Variants in GRM5 observed in about 807,000 individuals in gnomAD.
GRM5 encodes the protein metabotropic glutamate receptor 5.
A neutral mutation model predicts 83.1 loss-of-function variants in GRM5; 19 were observed. The observed-to-expected ratio is 0.23, with a 90% confidence interval of 0.16 to 0.34. GRM5 has a LOEUF of 0.34. Among genes scored for constraint, GRM5 ranks in the 10% least tolerant of loss-of-function variants. The pLI is 1.00. For synonymous variants in GRM5, 675 were observed against 633.6 expected (o/e 1.07, Z -0.98); for missense variants, 1,160 against 1,588.3 (o/e 0.73, Z 4.58).
chr11:88,952,428 C>T lies in GRM5; in HGVS notation c.661+94784G>A, dbSNP rs1938494261. ...GGCTGCACAAGAGTGGGGTTTTTCT[C>T]CCTCTTTCACTGTCTCATTGCTGGT... On this transcript the variant is annotated intron_variant, in intron 2 of 9. Coordinates refer to ENST00000305447, the MANE Select transcript of GRM5 (RefSeq NM_001143831.3). Among the ~76,000 whole-genome samples, 3 of 152,190 alleles carry T rather than the reference C, an allele frequency of 2.0e-5. No homozygotes were observed. In the South Asian group the frequency reaches 6.2e-4, roughly 31 times the overall value.
At chr11:88,782,919 C>G (rs191834609) in intron 3 of GRM5, among the ~76,000 whole-genome samples, 1 of 151,990 alleles carries the variant, frequency 6.6e-6, no homozygotes, top group African/African-American at 2.4e-5. Context: ...ACTTTTATCC[C>G]GGCAACAAAT....
At chr11:88,731,274 T>C (rs1200092124) in intron 3 of GRM5, among the ~76,000 whole-genome samples, 1 of 152,090 alleles carries the variant, frequency 6.6e-6, no homozygotes, top group Non-Finnish European at 1.5e-5. Flanking sequence ...AATGTTAAAC[T>C]GCTTCCTAAT....
At chr11:88,676,174 T>A (rs1940323476) in intron 3 of GRM5, among the ~76,000 whole-genome samples, 1 of 152,062 alleles carries the variant, frequency 6.6e-6, no homozygotes, top group South Asian at 2.1e-4. Context: ...ATTCAGTTTA[T>A]AATTCAGTGT....
intron 2 of GRM5, among the ~76,000 whole-genome samples, chr11:88,863,066 C>A (rs1253360507): frequency 6.6e-6 from 1 of 151,958 alleles, no homozygotes; most frequent in Non-Finnish European, 1.5e-5. Context: ...AATGAGACAC[C>A]AATTCATGCC....
chr11:88,628,024 T>G (rs1423925476), intron 4 of GRM5, among the ~76,000 whole-genome samples: 1 of 152,162 alleles, frequency 6.6e-6, no homozygotes. Flanking sequence ...AGGACATGTA[T>G]TTTCTCAACT....
Position 88,875,293 on chromosome 11 carries a change from A to C in GRM5, c.662-25138T>G, listed in dbSNP as rs566834081. On this transcript the variant is annotated intron_variant, in intron 2 of 9. Transcript: ENST00000305447. ...AGCAGATTCCATCTCAAAAAAGCAC[A>C]TTCTTTGCTTATCTATTAGAAGCAA... 2.0e-5 allele frequency among the ~76,000 whole-genome samples: 3 copies of C among 152,134 alleles called. No homozygotes were observed. In the East Asian group the frequency reaches 5.8e-4, roughly 29 times the overall value.
At chr11:88,704,211 C>A (rs1400815905) in intron 3 of GRM5, among the ~76,000 whole-genome samples, 1 of 152,054 alleles carries the variant, frequency 6.6e-6, no homozygotes, top group African/African-American at 2.4e-5. Context: ...CCTCCAAATA[C>A]CATCACATTG....
At chr11:88,651,899 A>C (rs112292820) in intron 4 of GRM5, among the ~76,000 whole-genome samples, 11 of 152,214 alleles carry the variant, frequency 7.2e-5, no homozygotes, top group Admixed American at 7.2e-4. Flanking sequence ...TCATTTCCCA[A>C]AAGAACAAAC....
At chr11:88,536,829 T>C (rs1194940734) in intron 8 of GRM5, among the ~76,000 whole-genome samples, 1 of 152,248 alleles carries the variant, frequency 6.6e-6, no homozygotes, top group Non-Finnish European at 1.5e-5. Context: ...ATTTTGGATC[T>C]TGGCAGTCAT....
chr11:88,715,131 A>C (rs1429538598), intron 3 of GRM5, among the ~76,000 whole-genome samples: 1 of 152,060 alleles, frequency 6.6e-6, no homozygotes, highest in East Asian at 1.9e-4. Context: ...CCTTGTAAAT[A>C]AAAGCATTAC....
intron 3 of GRM5, among the ~76,000 whole-genome samples, chr11:88,772,055 A>T (rs1228952678): frequency 6.6e-6 from 1 of 151,584 alleles, no homozygotes; most frequent in Non-Finnish European, 1.5e-5. Flanking sequence ...TTAACTGAGC[A>T]GTATTATGTG....
intron 3 of GRM5, among the ~76,000 whole-genome samples, chr11:88,791,462 T>A (rs966983383): frequency 5.3e-5 from 8 of 152,174 alleles, no homozygotes; most frequent in Non-Finnish European, 1.0e-4. Context: ...CTGCTAATGT[T>A]GAACTGATAC....
At chr11:88,834,303 A>C (rs999111790) in intron 3 of GRM5, among the ~76,000 whole-genome samples, 6 of 149,886 alleles carry the variant, frequency 4.0e-5, no homozygotes, top group African/African-American at 1.5e-4. Flanking sequence ...AAATTGCCAA[A>C]TATTTTTTTA....
At chr11:88,831,318 C>T (rs1053266880) in intron 3 of GRM5, among the ~76,000 whole-genome samples, 3 of 152,210 alleles carry the variant, frequency 2.0e-5, no homozygotes, top group African/African-American at 7.2e-5. Flanking sequence ...TTTAAAAGTG[C>T]CATGAAGAAA....
intron 3 of GRM5, among the ~76,000 whole-genome samples, chr11:88,845,792 T>C (rs1467650923): frequency 6.6e-6 from 1 of 152,020 alleles, no homozygotes; most frequent in East Asian, 1.9e-4. Flanking sequence ...GTGATACTGT[T>C]TTATTGTGGT....
At position 88,508,484 on chromosome 11, in the gene GRM5, G is replaced by T; in HGVS notation, c.*108C>A. The T allele has an allele frequency of 2.5e-6, 2 of 799,840 alleles. No individual in the cohort carries two copies. The highest frequency in any genetic ancestry group is 3.9e-6 in the Non-Finnish European group (2 of 511,968). The allele number at this position is 799,840 out of a possible 1,614,324, so 49.5% of individuals were successfully genotyped here. A position where few individuals can be genotyped will look rare whatever the true frequency, so the allele number is the denominator to read the frequency against. ...GTGTTTCCATTAAGGGGTGCCCTTGGCATCTTCCCCCTGGGCCGTAACCAG... is the reference window on the plus strand; with the variant it reads ...GTGTTTCCATTAAGGGGTGCCCTTGTCATCTTCCCCCTGGGCCGTAACCAG... On this transcript the variant is annotated 3_prime_UTR_variant, in exon 10 of 10. Transcript: ENST00000305447. This position sits in a 1 kb window ranked among gnomAD's most constrained non-coding sequence, Gnocchi z 4.2.
chr11:88,787,890 C>T (rs774799729), intron 3 of GRM5, among the ~76,000 whole-genome samples: 3 of 152,130 alleles, frequency 2.0e-5, no homozygotes, highest in African/African-American at 7.2e-5. Flanking sequence ...GTTTGAAAGG[C>T]TTATGTGATA....
At chr11:88,721,621 A>G (rs763171459) in intron 3 of GRM5, among the ~76,000 whole-genome samples, 3 of 152,128 alleles carry the variant, frequency 2.0e-5, no homozygotes, top group Non-Finnish European at 4.4e-5. Flanking sequence ...TCATACTGTT[A>G]CAAATGCACA....
intron 2 of GRM5, among the ~76,000 whole-genome samples, chr11:89,004,474 T>C (rs1940470720): frequency 6.6e-6 from 1 of 152,214 alleles, no homozygotes; most frequent in Non-Finnish European, 1.5e-5. Context: ...TTCTTTAAAA[T>C]ACTTTCTTAC....
Sources: gnomAD v4.1 joint callset for allele counts (sites outside exome capture counted in the v4.1 genomes callset) on GRCh38, gnomAD v4.1.1 for gene constraint, Gnocchi (gnomAD v3.1) non-coding constraint, MANE v1.5 for transcripts, NCBI Gene and HGNC (gene_info 2026-07-23, HGNC 2026-07-21) for gene names.